The following TEAD1 variants were observed in gnomAD, a reference collection of about 807,000 sequenced individuals.
The protein encoded by TEAD1 is transcriptional enhancer factor TEF-1.
TEAD1 carries 9 observed loss-of-function variants against 54.9 expected under a neutral mutation model. That is an observed-to-expected ratio of 0.16 (90% CI 0.10 to 0.29). The LOEUF (loss-of-function observed/expected upper bound fraction) is 0.29. Among genes scored for constraint, TEAD1 ranks in the 10% least tolerant of loss-of-function variants. The pLI is 1.00. For synonymous variants in TEAD1, 200 were observed against 187.8 expected (o/e 1.07, Z -0.53); for missense variants, 387 against 535.9 (o/e 0.72, Z 2.74).
At chr11:12,682,951 A>G (rs1167925119) in intron 2 of TEAD1, among the ~76,000 whole-genome samples, 1 of 152,100 alleles carries the variant, frequency 6.6e-6, no homozygotes, top group African/African-American at 2.4e-5. Flanking sequence ...GGTGGTGGTA[A>G]TGACCCTTGA....
At chr11:12,785,276 C>T (rs1945654386) in intron 3 of TEAD1, among the ~76,000 whole-genome samples, 1 of 152,128 alleles carries the variant, frequency 6.6e-6, no homozygotes, top group African/African-American at 2.4e-5. Flanking sequence ...AGCCCAGCCT[C>T]CTCAGTTTTC....
intron 9 of TEAD1, among the ~76,000 whole-genome samples, chr11:12,885,065 A>G (rs549919675): frequency 1.3e-5 from 2 of 152,200 alleles, no homozygotes; most frequent in South Asian, 4.2e-4. Context: ...TGTTTTCCCC[A>G]TGATAGGTTC....
At position 12,940,436 on chromosome 11, in the gene TEAD1, T is replaced by C. The variant is rs930818218; in HGVS notation, c.*3214T>C. Reference sequence around the variant, plus strand: ...CCTGGTCAAGATCTGTTGCCCAAGATGTTACAGGTCACAATGACCACATTT... The same window carrying C: ...CCTGGTCAAGATCTGTTGCCCAAGACGTTACAGGTCACAATGACCACATTT... On this transcript the variant is annotated 3_prime_UTR_variant, in exon 13 of 13. Transcript: ENST00000527636. 1 of 152,228 alleles carries C rather than the reference T, an allele frequency of 6.6e-6. No homozygotes were observed. The highest frequency in any genetic ancestry group is 2.4e-5 in the African/African-American group (1 of 41,460). The allele number at this position is 152,228 out of a possible 1,614,324, so 9.4% of individuals were successfully genotyped here.
At chr11:12,886,298 C>T (rs1948085776) in intron 9 of TEAD1, among the ~76,000 whole-genome samples, 1 of 152,126 alleles carries the variant, frequency 6.6e-6, no homozygotes, top group Admixed American at 6.6e-5. Flanking sequence ...TGGATCTGGC[C>T]TGCTGTTGTT....
At chr11:12,889,819 T>G (rs987535391) in intron 9 of TEAD1, among the ~76,000 whole-genome samples, 3 of 152,090 alleles carry the variant, frequency 2.0e-5, no homozygotes, top group African/African-American at 4.8e-5. Flanking sequence ...CCTCCCAGGC[T>G]CAAGGGATTG....
intron 3 of TEAD1, among the ~76,000 whole-genome samples, chr11:12,784,331 G>C (rs73423666): frequency 0.091 from 13,817 of 152,054 alleles, 2,123 homozygotes; most frequent in African/African-American, 0.32. Context: ...GCAGTGCTTT[G>C]GGGCACTTCA....
At chr11:12,935,827 TC>T (rs1357579533) in intron 12 of TEAD1, among the ~76,000 whole-genome samples, 1 of 152,188 alleles carries the variant, frequency 6.6e-6, no homozygotes, top group Non-Finnish European at 1.5e-5. Flanking sequence ...GGGCCCCTGT[TC>T]CTTAGGAACT....
At chr11:12,864,653 T>C (rs1947579636) in intron 4 of TEAD1, 185 bp from the exon 5 acceptor site, 1 of 1,441,160 alleles carries the variant, frequency 6.9e-7, no homozygotes, top group Non-Finnish European at 9.1e-7. Context: ...TTTTGTTTTG[T>C]TTTGTTTCCC....
intron 2 of TEAD1, among the ~76,000 whole-genome samples, chr11:12,679,696 G>T (rs1456364488): frequency 6.6e-6 from 1 of 151,696 alleles, no homozygotes; most frequent in East Asian, 1.9e-4. Context: ...ATTCAGTTCA[G>T]CTCTGCTCTT....
intron 2 of TEAD1, among the ~76,000 whole-genome samples, chr11:12,690,332 T>A (rs1943430840): frequency 6.6e-6 from 1 of 152,146 alleles, no homozygotes; most frequent in Non-Finnish European, 1.5e-5. Context: ...AAATGTTTTT[T>A]CATAGTTGGC....
Position 12,855,872 on chromosome 11 carries a change from C to T in TEAD1, c.203-6378C>T, listed in dbSNP as rs373562926. Reference sequence around the variant, plus strand: ...CTGAGGTGGGAGGATCACTTGAGCCCGGGAGATCAAGGCTACAGTGAGCCA... The same window carrying T: ...CTGAGGTGGGAGGATCACTTGAGCCTGGGAGATCAAGGCTACAGTGAGCCA... On this transcript the variant is annotated intron_variant, in intron 3 of 12. Transcript: ENST00000527636. 7.3e-5 allele frequency among the ~76,000 whole-genome samples: 11 copies of T among 151,114 alleles called. No individual in the cohort carries two copies. In the South Asian group the frequency reaches 1.0e-3, roughly 14 times the overall value.
rs527247886 is a variant in TEAD1 at position 12,910,999 on chromosome 11, G to T, written c.873+8886G>T. ...TGACCTCAGGTGATCCACCCGCCTT[G>T]GCCTCCCAAAGTGCTGGGATTACAG... On this transcript the variant is annotated intron_variant, in intron 10 of 12. Transcript: ENST00000527636. Among the ~76,000 whole-genome samples, 5 of 152,214 alleles carry T rather than the reference G, an allele frequency of 3.3e-5. No homozygotes were observed. The South Asian group carries it at 1.0e-3, about 32-fold the overall frequency.
rs77011255 is a variant in TEAD1, at chr11:12,687,061, C to G, written c.-55+11500C>G. Among the ~76,000 whole-genome samples, 1,141 of 152,236 alleles carry G rather than the reference C, an allele frequency of 7.5e-3. 12 individuals are homozygous for G. The highest frequency in any genetic ancestry group is 0.026 in the African/African-American group (1,074 of 41,532). On this transcript the variant is annotated intron_variant, in intron 2 of 12. Coordinates refer to ENST00000527636, the MANE Select transcript of TEAD1 (RefSeq NM_021961.6). ...GGTCTTGGTCTCTCCACTTCTAGCT[C>G]GTGTGGAAGGAAGTCCTGGTTGGGA...
At chr11:12,901,016 G>C (rs1050712186) in intron 9 of TEAD1, among the ~76,000 whole-genome samples, 2 of 152,206 alleles carry the variant, frequency 1.3e-5, no homozygotes, top group Admixed American at 1.3e-4. Flanking sequence ...ATTTGGCTGT[G>C]TATTGGAATT....
chr11:12,823,199 T>C (rs1040680628), intron 3 of TEAD1, among the ~76,000 whole-genome samples: 16 of 152,216 alleles, frequency 1.1e-4, no homozygotes, highest in Middle Eastern at 3.2e-3. Flanking sequence ...AATGACAAAT[T>C]AGACCTTGTA....
intron 3 of TEAD1, among the ~76,000 whole-genome samples, chr11:12,802,278 TTTG>T (rs1385258766): frequency 5.9e-5 from 9 of 152,312 alleles, no homozygotes; most frequent in Non-Finnish European, 1.0e-4. Context: ...AATTAACTTT[TTTG>T]TTATTACTTT....
intron 2 of TEAD1, among the ~76,000 whole-genome samples, chr11:12,706,458 ACTT>A (rs1388359706): frequency 1.3e-5 from 2 of 152,320 alleles, no homozygotes; most frequent in Non-Finnish European, 2.9e-5. Context: ...AGAGAAACAT[ACTT>A]CGTTTGTGAT....
At chr11:12,800,017 G>A (rs1046179953) in intron 3 of TEAD1, among the ~76,000 whole-genome samples, 1 of 152,134 alleles carries the variant, frequency 6.6e-6, no homozygotes, top group Non-Finnish European at 1.5e-5. Flanking sequence ...TGATATTTTT[G>A]GAGTCCAGGG....
chr11:12,848,530 G>A (rs370736605), intron 3 of TEAD1, among the ~76,000 whole-genome samples: 25 of 152,178 alleles, frequency 1.6e-4, no homozygotes, highest in East Asian at 1.3e-3. Flanking sequence ...CGACTCCACT[G>A]CTTAATTAGT....
Sources: gnomAD v4.1 joint callset for allele counts (sites outside exome capture counted in the v4.1 genomes callset) on GRCh38, gnomAD v4.1.1 for gene constraint, MANE v1.5 for transcripts, NCBI Gene and HGNC (gene_info 2026-07-23, HGNC 2026-07-21) for gene names.